Variants in FOXP2 observed in about 807,000 individuals in gnomAD.
The protein encoded by FOXP2 is forkhead box protein P2.
FOXP2 carries 12 observed loss-of-function variants against 115.8 expected under a neutral mutation model. The observed-to-expected ratio is 0.10, with a 90% CI of 0.07 to 0.17. The LOEUF is 0.17. FOXP2 is among the 10% of genes least tolerant of loss of function. The pLI is 1.00. For missense variants in FOXP2, 629 were observed against 843.5 expected, an observed-to-expected ratio of 0.75 and a Z score of 3.15; for synonymous variants, 328 against 297.7, an observed-to-expected ratio of 1.10 and a Z score of -1.05.
chr7:114,218,519 G>A (rs924243316), intron 1 of FOXP2, among the ~76,000 whole-genome samples: 2 of 152,074 alleles, frequency 1.3e-5, no homozygotes, highest in Non-Finnish European at 2.9e-5. Context: ...TTTACACAGT[G>A]GGAGAGACTC....
Position 114,350,751 on chromosome 7 carries a change from C to G in FOXP2, c.-11+62642C>G, listed in dbSNP as rs987845697. Among the ~76,000 whole-genome samples the G allele has an allele frequency of 9.2e-5, 14 of 152,028 alleles. 1 individual carries two copies. The highest frequency in any genetic ancestry group is 1.8e-4 in the Non-Finnish European group (12 of 67,990). ...ATCTAAATAGTTGATATTGGTTATT[C>G]TGCTACAATTTATTTGTATTCAAAA... On this transcript the variant is annotated intron_variant, in intron 2 of 17. Transcript: ENST00000634411.
chr7:114,588,862 A>G (rs1399607395), intron 3 of FOXP2, among the ~76,000 whole-genome samples: 1 of 152,192 alleles, frequency 6.6e-6, no homozygotes, highest in Non-Finnish European at 1.5e-5. Flanking sequence ...TGTGAAAAAT[A>G]CTGCTTCTAT....
intron 2 of FOXP2, among the ~76,000 whole-genome samples, chr7:114,468,189 A>G (rs1795894240): frequency 6.6e-6 from 1 of 152,112 alleles, no homozygotes; most frequent in African/African-American, 2.4e-5. Context: ...TTCTTCCCCT[A>G]AAGTAGTGTT....
At chr7:114,450,218 A>G (rs1732053545) in intron 2 of FOXP2, among the ~76,000 whole-genome samples, 1 of 152,076 alleles carries the variant, frequency 6.6e-6, no homozygotes. Flanking sequence ...TCCTTCCTCT[A>G]TGCATACTTT....
At chr7:114,451,680 C>T (rs1795079032) in intron 2 of FOXP2, among the ~76,000 whole-genome samples, 1 of 151,988 alleles carries the variant, frequency 6.6e-6, no homozygotes, top group Admixed American at 6.6e-5. Flanking sequence ...ATTTACCTAG[C>T]ACAGTATTTG....
intron 1 of FOXP2, among the ~76,000 whole-genome samples, chr7:114,208,243 G>A (rs886467499): frequency 6.6e-6 from 1 of 152,160 alleles, no homozygotes; most frequent in Non-Finnish European, 1.5e-5. Context: ...GCGACCTGGA[G>A]TCAAAGGAGA....
At chr7:114,476,007 T>C (rs1236598570) in intron 2 of FOXP2, among the ~76,000 whole-genome samples, 1 of 151,886 alleles carries the variant, frequency 6.6e-6, no homozygotes, top group Non-Finnish European at 1.5e-5. Flanking sequence ...AATATCTATA[T>C]CTATATCAAT....
At position 114,415,259 on chromosome 7, in the gene FOXP2, GT is replaced by G. The variant is rs1269995771; in HGVS notation, c.-108del. On this transcript the variant is annotated 5_prime_UTR_variant, in exon 1 of 17. Transcript: ENST00000350908. The stretch of plus-strand genomic sequence containing the variant: ...CTGAGTTTTCCCTTCTTTTTATACT[GT>G]TTTCTGTGCTGGCTTTTTTGAATCT... The G allele has an allele frequency of 2.2e-6, 1 of 453,636 alleles. No homozygotes were observed. Among genetic ancestry groups the G allele is most frequent in the Non-Finnish European group, 4.4e-6 (1 of 226,666 alleles). The allele number at this position is 453,636 out of a possible 1,614,324, so 28.1% of individuals were successfully genotyped here.
chr7:114,684,152 C>T (rs1348092425), intron 16 of FOXP2, among the ~76,000 whole-genome samples: 1 of 152,162 alleles, frequency 6.6e-6, no homozygotes, highest in African/African-American at 2.4e-5. Flanking sequence ...CTTCTATGTG[C>T]TTGTTTCTAA....
intron 2 of FOXP2, among the ~76,000 whole-genome samples, chr7:114,387,868 G>A (rs1163646865): frequency 6.6e-6 from 1 of 152,036 alleles, no homozygotes; most frequent in African/African-American, 2.4e-5. Context: ...GGGTTATGGA[G>A]GAATTAGAGC....
chr7:114,445,281 A>G (rs1158949643), intron 2 of FOXP2, among the ~76,000 whole-genome samples: 1 of 152,164 alleles, frequency 6.6e-6, no homozygotes, highest in African/African-American at 2.4e-5. Context: ...GAAGAAGCTT[A>G]TTAAGAAAAT....
chr7:114,489,169 T>A (rs1189230120), intron 2 of FOXP2, among the ~76,000 whole-genome samples: 1 of 152,174 alleles, frequency 6.6e-6, no homozygotes, highest in East Asian at 1.9e-4. Flanking sequence ...ACACCACATT[T>A]TTAAGACATA....
chr7:114,526,489 A>AAC (rs1491258014), intron 2 of FOXP2, among the ~76,000 whole-genome samples: 3 of 127,972 alleles, frequency 2.3e-5, no homozygotes, highest in African/African-American at 1.1e-4. Flanking sequence ...AAAAAAAAAC[A>AAC]AAAAAAAAAA....
At chr7:114,385,043 T>C (rs969364200) in intron 2 of FOXP2, among the ~76,000 whole-genome samples, 3 of 151,464 alleles carry the variant, frequency 2.0e-5, no homozygotes, top group African/African-American at 4.9e-5. Flanking sequence ...TGTCTCTCTC[T>C]CCCCCCCTCT....
At chr7:114,422,679 C>T (rs1793672581) in intron 1 of FOXP2, among the ~76,000 whole-genome samples, 1 of 151,418 alleles carries the variant, frequency 6.6e-6, no homozygotes, top group Non-Finnish European at 1.5e-5. Flanking sequence ...CAGTAGTGTC[C>T]CTGGTGGTGG....
At chr7:114,482,111 AG>A (rs1796578935) in intron 2 of FOXP2, among the ~76,000 whole-genome samples, 1 of 151,408 alleles carries the variant, frequency 6.6e-6, no homozygotes, top group Admixed American at 6.6e-5. Flanking sequence ...ATATAACAGG[AG>A]GATCGAGAGA....
intron 2 of FOXP2, among the ~76,000 whole-genome samples, chr7:114,386,307 T>G (rs1411168048): frequency 6.6e-6 from 1 of 152,230 alleles, no homozygotes; most frequent in East Asian, 1.9e-4. Flanking sequence ...CAAAGGGGGT[T>G]GCTGTTATGG....
At chr7:114,183,333 T>C (rs1793506807) in intron 1 of FOXP2, among the ~76,000 whole-genome samples, 1 of 152,162 alleles carries the variant, frequency 6.6e-6, no homozygotes, top group East Asian at 1.9e-4. Context: ...TGTGGAAGCA[T>C]AGAACTGCTG....
chr7:114,422,057 A>C (rs1240439704), intron 1 of FOXP2, among the ~76,000 whole-genome samples: 1 of 151,744 alleles, frequency 6.6e-6, no homozygotes, highest in Non-Finnish European at 1.5e-5. Flanking sequence ...AGAAATATTT[A>C]ATATTTGATA....
Sources: allele counts gnomAD v4.1 joint callset (sites outside exome capture counted in the v4.1 genomes callset), GRCh38; gene constraint gnomAD v4.1.1; transcripts MANE v1.5; gene names NCBI Gene and HGNC (gene_info 2026-07-23, HGNC 2026-07-21).